The following KMT2C variants were observed in gnomAD, a reference collection of about 807,000 sequenced individuals.
KMT2C encodes the protein lysine methyltransferase 2C, also known as histone-lysine N-methyltransferase 2C.
A neutral mutation model predicts 507.9 loss-of-function variants in KMT2C; 88 were observed. The observed-to-expected ratio is 0.17, with a 90% CI of 0.15 to 0.21. KMT2C has a LOEUF of 0.21. Ranked by LOEUF, KMT2C falls within the 10% of genes least tolerant of loss-of-function variation. The probability of loss-of-function intolerance (pLI) is 1.00; values close to 1 mark genes in which losing one functional copy is unlikely to be tolerated. For missense variants in KMT2C, 4,954 were observed against 5,957.8 expected, an observed-to-expected ratio of 0.83 and a Z score of 5.55; for synonymous variants, 2,049 against 2,080.8, an observed-to-expected ratio of 0.98 and a Z score of 0.42.
At chr7:152,297,419 A>G (rs1217473535) in intron 6 of KMT2C, among the ~76,000 whole-genome samples, 1 of 152,208 alleles carries the variant, frequency 6.6e-6, no homozygotes, top group Non-Finnish European at 1.5e-5. Context: ...CATTCACCAG[A>G]TAACTGATCA....
At chr7:152,345,886 A>G (rs1423214144) in intron 2 of KMT2C, among the ~76,000 whole-genome samples, 1 of 152,216 alleles carries the variant, frequency 6.6e-6, no homozygotes, top group African/African-American at 2.4e-5. Context: ...CACTTTAACT[A>G]TAATATAAAG....
chr7:152,169,170 T>C lies in KMT2C; in HGVS notation c.9517+16A>G. The C allele has an allele frequency of 1.3e-6, 2 of 1,501,930 alleles. No individual in the cohort carries two copies. Among genetic ancestry groups the C allele is most frequent in the Non-Finnish European group, 9.3e-7 (1 of 1,077,766 alleles). The allele number at this position is 1,501,930 out of a possible 1,614,324, so 93.0% of individuals were successfully genotyped here. ...GCAATCCCCAGAAAACATTAACTTA[T>C]TAGATTTATACTTACTGACAAAGCC... On this transcript the variant is annotated intron_variant, in intron 41 of 58. Coordinates refer to ENST00000262189, the MANE Select transcript of KMT2C (RefSeq NM_170606.3).
intron 1 of KMT2C, among the ~76,000 whole-genome samples, chr7:152,430,928 A>C (rs777477452): frequency 1.3e-5 from 2 of 152,194 alleles, no homozygotes; most frequent in African/African-American, 2.4e-5. Context: ...AAAGTGACTT[A>C]AGTTTACAGA....
chr7:152,395,333 G>A lies in KMT2C; in HGVS notation c.162-36658C>T, dbSNP rs571514930. Among the ~76,000 whole-genome samples the A allele has an allele frequency of 2.6e-5, 4 of 151,330 alleles. No homozygotes were observed. The East Asian group carries it at 7.8e-4, about 30-fold the overall frequency. ...TGAGTAGCTGGGACTACAGGCACGTGGCCGCACACCTGGCTTTTCTTTCCC... is the reference window on the plus strand; with the variant it reads ...TGAGTAGCTGGGACTACAGGCACGTAGCCGCACACCTGGCTTTTCTTTCCC... On this transcript the variant is annotated intron_variant, in intron 1 of 58. Coordinates refer to ENST00000262189, the MANE Select transcript of KMT2C (RefSeq NM_170606.3).
intron 6 of KMT2C, among the ~76,000 whole-genome samples, chr7:152,288,626 A>C (rs545404289): frequency 3.3e-5 from 5 of 152,304 alleles, no homozygotes; most frequent in Middle Eastern, 3.4e-3. Context: ...CTGTCACTGG[A>C]ATCTCAGAAA....
chr7:152,418,860 A>G (rs1253554137), intron 1 of KMT2C, among the ~76,000 whole-genome samples: 1 of 148,024 alleles, frequency 6.8e-6, no homozygotes, highest in African/African-American at 2.6e-5. Flanking sequence ...AAGTAGTATC[A>G]CAAAAAAAAA....
chr7:152,150,594 A>G (rs573105381), intron 51 of KMT2C, among the ~76,000 whole-genome samples: 7 of 152,280 alleles, frequency 4.6e-5, no homozygotes, highest in African/African-American at 1.7e-4. Flanking sequence ...AGCCTGTGGG[A>G]CCAGAATGAG....
intron 2 of KMT2C, among the ~76,000 whole-genome samples, chr7:152,343,957 A>G (rs556603073): frequency 6.6e-6 from 1 of 152,258 alleles, no homozygotes; most frequent in East Asian, 1.9e-4. Flanking sequence ...TCAAGAAAGG[A>G]AGAGCATCTC....
chr7:152,162,607 T>C lies in KMT2C; in HGVS notation c.10970A>G (p.Asp3657Gly), dbSNP rs748306760. 4.3e-6 allele frequency: 7 copies of C among 1,614,218 alleles called. No homozygotes were observed. The highest frequency in any genetic ancestry group is 5.1e-6 in the Non-Finnish European group (6 of 1,180,034). The change falls in exon 43 of 59, where the codon GAC becomes GGC. Residue 3657 changes from aspartate to glycine, a missense_variant. Physicochemically the swap from Asp to Gly is moderately conservative, Grantham distance 94. This residue lies in a region of KMT2C where 801 missense variants were observed against 751.2 expected (regional missense o/e 1.07). Transcript: ENST00000262189. ...GCCGACTGGTTCCACCGACTCTTGG[T>C]CGGCTTGTTGAGGAAGCTCACTGGG... ...STPSELPQQA[D>G]QESVEPVGPS...
intron 1 of KMT2C, among the ~76,000 whole-genome samples, chr7:152,369,276 T>G (rs1322980087): frequency 6.6e-6 from 1 of 150,604 alleles, no homozygotes; most frequent in Non-Finnish European, 1.5e-5. Flanking sequence ...TGAACCAAGA[T>G]CACGCCACCA....
chr7:152,152,233 T>TG (rs1190222977), intron 49 of KMT2C, among the ~76,000 whole-genome samples: 2 of 151,952 alleles, frequency 1.3e-5, no homozygotes, highest in Non-Finnish European at 2.9e-5. Context: ...TTCTCAGAGA[T>TG]GGGGGGCATG....
chr7:152,419,282 C>T (rs772353972), intron 1 of KMT2C, among the ~76,000 whole-genome samples: 12 of 151,768 alleles, frequency 7.9e-5, no homozygotes, highest in East Asian at 1.9e-4. Context: ...ACTCGGGAGG[C>T]GGAGATTGCA....
intron 6 of KMT2C, among the ~76,000 whole-genome samples, chr7:152,275,242 A>T (rs2096060543): frequency 6.6e-6 from 1 of 152,216 alleles, no homozygotes; most frequent in Non-Finnish European, 1.5e-5. Context: ...GAAAGAAGAA[A>T]AGAAAGAGAT....
In KMT2C at chr7:152,149,026, G is replaced by C. The variant is rs1299251851; in HGVS notation, c.12901C>G (p.Pro4301Ala). The change falls in exon 52 of 59, where the codon CCC becomes GCC. Residue 4301 changes from proline (P) to alanine (A), a missense_variant. Physicochemically the swap from Pro to Ala is conservative, Grantham distance 27. This residue lies in a region of KMT2C where 417 missense variants were observed against 461.1 expected (regional missense o/e 0.90). Coordinates refer to ENST00000262189, the MANE Select transcript of KMT2C (RefSeq NM_170606.3). ...CLPQLPEKAS[P>A]PASPPIAFPP... is the part of the protein sequence containing the mutation. ...AAGGCGATGGGTGGTGAGGCAGGGGGAGAAGCTTTCTCTGGGAGCTGGGGG... is the reference window on the plus strand; with the variant it reads ...AAGGCGATGGGTGGTGAGGCAGGGGCAGAAGCTTTCTCTGGGAGCTGGGGG... 3.2e-6 allele frequency: 5 copies of C among 1,539,368 alleles called. No homozygotes were observed. In the African/African-American group the frequency reaches 6.9e-5, roughly 21 times the overall value.
At chr7:152,381,401 A>C (rs989551025) in intron 1 of KMT2C, among the ~76,000 whole-genome samples, 1 of 152,116 alleles carries the variant, frequency 6.6e-6, no homozygotes, top group African/African-American at 2.4e-5. Flanking sequence ...TAGCGGGTGG[A>C]GGCCAGGAAT....
At position 152,162,410 on chromosome 7, in the gene KMT2C, C is replaced by G. The variant is rs115580901; in HGVS notation, c.11167G>C (p.Ala3723Pro). The G allele has an allele frequency of 4.3e-4, 694 of 1,614,232 alleles. 4 individuals carry two copies. In the African/African-American group the frequency reaches 7.3e-3, roughly 17 times the overall value. The change falls in exon 43 of 59, where the codon GCT becomes CCT. Residue 3723 changes from alanine to proline, a missense_variant. By Grantham distance (27) the Ala-to-Pro change is conservative (BLOSUM62 -1). Around this residue, in one of 29 missense-constraint regions of KMT2C, gnomAD observed 801 missense variants for 751.2 expected, o/e 1.07. Coordinates refer to ENST00000262189, the MANE Select transcript of KMT2C (RefSeq NM_170606.3). The stretch of plus-strand genomic sequence containing the variant: ...TGGCCTGGGCAGGACTCTGTCTCAG[C>G]CTTTTCCAGTTTTATCTCTTCTGTT... ...AKTEEIKLEK[A>P]ETESCPGQEE...
intron 18 of KMT2C, among the ~76,000 whole-genome samples, chr7:152,229,444 C>A (rs2095039400): frequency 6.6e-6 from 1 of 152,204 alleles, no homozygotes; most frequent in African/African-American, 2.4e-5. Flanking sequence ...GTGAGCAGCG[C>A]TGACTCTCGA....
chr7:152,347,942 T>C (rs1422703516), intron 2 of KMT2C, among the ~76,000 whole-genome samples: 1 of 152,150 alleles, frequency 6.6e-6, no homozygotes, highest in East Asian at 1.9e-4. Flanking sequence ...AACCCCAAGC[T>C]ATTAAAGGGC....
chr7:152,342,494 C>G (rs114805596), intron 2 of KMT2C, among the ~76,000 whole-genome samples: 1 of 152,142 alleles, frequency 6.6e-6, no homozygotes, highest in African/African-American at 2.4e-5. Flanking sequence ...ATCAACAACT[C>G]TTGCTAGAAC....
Sources: gnomAD v4.1 joint callset for allele counts (sites outside exome capture counted in the v4.1 genomes callset) on GRCh38, gnomAD v4.1.1 for gene constraint, gnomAD v4.1.1 regional missense constraint, MANE v1.5 for transcripts, NCBI Gene and HGNC (gene_info 2026-07-23, HGNC 2026-07-21) for gene names.